Variants in GCFC2 observed in about 807,000 individuals in gnomAD.
The protein encoded by GCFC2 is intron Large complex component GCFC2.
A neutral mutation model predicts 99.4 loss-of-function variants in GCFC2; 102 were observed. That is an observed-to-expected ratio of 1.03 (90% CI 0.87 to 1.21). The LOEUF is 1.21. GCFC2 is among the 50% of genes most tolerant of loss of function. The probability of loss-of-function intolerance (pLI) is 0.00; values close to 1 mark genes in which losing one functional copy is unlikely to be tolerated. For missense variants in GCFC2, 973 were observed against 920.9 expected, an observed-to-expected ratio of 1.06 and a Z score of -0.73; for synonymous variants, 338 against 316.8, an observed-to-expected ratio of 1.07 and a Z score of -0.71.
chr2:75,673,383 T>TA, intron 13 of GCFC2, 61 bp downstream of exon 13: 2 of 774,600 alleles, frequency 2.6e-6, no homozygotes, highest in Non-Finnish European at 2.3e-6. Flanking sequence ...ATTGCATTCT[T>TA]AAACAAATCT....
At chr2:75,665,796 A>G in intron 16 of GCFC2, 133 bp downstream of exon 16, 1 of 514,764 alleles carries the variant, frequency 1.9e-6, no homozygotes, top group Non-Finnish European at 3.3e-6. Flanking sequence ...AACCATAAAA[A>G]TATCTACTAA....
At chr2:75,701,913 T>G in intron 3 of GCFC2, 1 of 1,153,752 alleles carries the variant, frequency 8.7e-7, no homozygotes. Context: ...AAACGATCGT[T>G]TTCAATGCTT....
chr2:75,688,244 C>A (rs13405029), intron 10 of GCFC2, among the ~76,000 whole-genome samples: 10,767 of 152,112 alleles, frequency 0.071, 1,234 homozygotes, highest in African/African-American at 0.25. Context: ...TGTGCCGGAG[C>A]CTTTAGACCC....
upstream of GCFC2, among the ~76,000 whole-genome samples, chr2:75,712,460 C>G (rs192471157): frequency 2.2e-3 from 337 of 152,280 alleles, 1 homozygote; most frequent in African/African-American, 7.7e-3. Context: ...ATTGTAAACG[C>G]ACCAATCACG....
At chr2:75,696,607 A>C (rs1474638339) in intron 4 of GCFC2, among the ~76,000 whole-genome samples, 1 of 152,188 alleles carries the variant, frequency 6.6e-6, no homozygotes, top group African/African-American at 2.4e-5. Context: ...CCAGTTTTTT[A>C]AGAAACAACA....
rs151327351 is a variant in GCFC2 at position 75,665,124 on chromosome 2, A to G, written c.2229-341T>C. Among the ~76,000 whole-genome samples, 366 of 152,118 alleles carry G rather than the reference A, an allele frequency of 2.4e-3. 1 individual carries two copies. Among genetic ancestry groups the G allele is most frequent in the Non-Finnish European group, 4.3e-3 (292 of 67,984 alleles). Reference sequence around the variant, plus strand: ...AATGGTGGGAGTATATTCACACATCATGACATTAGCAAATAATACAAATCT... The same window carrying G: ...AATGGTGGGAGTATATTCACACATCGTGACATTAGCAAATAATACAAATCT... On this transcript the variant is annotated intron_variant, in intron 16 of 16. Transcript: ENST00000321027.
rs937545196 is a variant in GCFC2 at position 75,696,269 on chromosome 2, T to C, written c.764A>G (p.Lys255Arg). The change falls in exon 5 of 17, where the codon AAG becomes AGG. Residue 255 changes from lysine to arginine, a missense_variant. Lys to Arg is a conservative substitution (Grantham distance 26). Transcript: ENST00000321027. ...LSCGNGSSKV[K>R]KFDTSISFPP... ...AAATGAAATGGAAGTATCAAATTTC[T>C]TCACTTTTGAAGATCCATTGCCACA... is the stretch of plus-strand genomic sequence containing the variant. 3 of 1,527,066 alleles carry C rather than the reference T, an allele frequency of 2.0e-6. No homozygotes were observed. The East Asian group carries it at 6.8e-5, about 34-fold the overall frequency. 94.6% of individuals were successfully genotyped at this position (1,527,066 alleles called of 1,614,324 possible). A position where few individuals can be genotyped will look rare whatever the true frequency, so the allele number is the denominator to read the frequency against.
intron 4 of GCFC2, among the ~76,000 whole-genome samples, chr2:75,700,810 C>T (rs1680551516): frequency 6.6e-6 from 1 of 152,118 alleles, no homozygotes; most frequent in Non-Finnish European, 1.5e-5. Flanking sequence ...GAAAAAGAGT[C>T]TTTGTGGTTG....
Position 75,662,728 on chromosome 2 carries a change from AAT to A in GCFC2, c.*1936_*1937del, listed in dbSNP as rs1185650125. The stretch of plus-strand genomic sequence containing the variant: ...AATTTGTAGTTTTGAAAGCAGTTTT[AAT>A]ATTTTATCTTCCACAAAAAGGTAGG... On this transcript the variant is annotated 3_prime_UTR_variant, in exon 17 of 17. Transcript: ENST00000321027. The A allele has an allele frequency of 6.6e-6, 1 of 152,136 alleles. No individual in the cohort carries two copies. The highest frequency in any genetic ancestry group is 1.5e-5 in the Non-Finnish European group (1 of 67,986). 9.4% of individuals were successfully genotyped at this position (152,136 alleles called of 1,614,324 possible).
intron 7 of GCFC2, chr2:75,690,944 T>G (rs10207888): frequency 0.33 from 128,267 of 385,012 alleles, 22,507 homozygotes; most frequent in Non-Finnish European, 0.38. Flanking sequence ...CTTTGGCTGG[T>G]GTACTTTTGC....
intron 3 of GCFC2, chr2:75,701,877 T>G: frequency 2.9e-6 from 3 of 1,031,996 alleles, no homozygotes; most frequent in Non-Finnish European, 3.5e-6. Flanking sequence ...GCTTCCATGT[T>G]AAAAAAAATA....
chr2:75,682,109 C>T (rs574549647), intron 11 of GCFC2, among the ~76,000 whole-genome samples: 1 of 152,026 alleles, frequency 6.6e-6, no homozygotes, highest in African/African-American at 2.4e-5. Context: ...GGACACACTG[C>T]CTCCTCAAGT....
rs1266493331 is a variant in GCFC2 at position 75,710,706 on chromosome 2, G to A, written c.150C>T (p.Gly50=). Residue 50 remains glycine, a synonymous_variant, in exon 1 of 17, where the codon GGC becomes GGT. Transcript: ENST00000321027. The part of the protein sequence containing the change: ...SAEEEPPSGG[G]RAQVAGLPHR... The stretch of plus-strand genomic sequence containing the variant: ...GGGGCAGTCCCGCCACCTGCGCGCG[G>A]CCTCCTCCAGAGGGCGGCTCTTCCT... 1.3e-6 allele frequency: 2 copies of A among 1,537,624 alleles called. No homozygotes were observed. Among genetic ancestry groups the A allele is most frequent in the South Asian group, 2.4e-5 (2 of 83,362 alleles).
intron 2 of GCFC2, among the ~76,000 whole-genome samples, chr2:75,705,048 CA>C (rs1179740682): frequency 1.3e-5 from 2 of 152,166 alleles, no homozygotes; most frequent in African/African-American, 4.8e-5. Context: ...ACTAAAAATT[CA>C]ATTTCTCAGT....
At chr2:75,679,956 A>C (rs1304063988) in intron 12 of GCFC2, 1 of 466,756 alleles carries the variant, frequency 2.1e-6, no homozygotes, top group East Asian at 3.2e-5. Context: ...ATCAAGGTAT[A>C]TTCTTTCATC....
intron 16 of GCFC2, 82 bp from the exon 17 acceptor site, chr2:75,664,865 G>T: frequency 1.4e-6 from 1 of 698,826 alleles, no homozygotes; most frequent in Non-Finnish European, 2.5e-6. Flanking sequence ...ATCATCAGTT[G>T]TTAATCTAAA....
At chr2:75,696,085 TCCCCCCCATAAG>T in intron 5 of GCFC2, 103 bp downstream of exon 5, 1 of 501,634 alleles carries the variant, frequency 2.0e-6, no homozygotes, top group Non-Finnish European at 3.6e-6. Context: ...AGATCCTTTT[TCCCCCCCATAAG>T]TCTGTTTAAT....
rs1678718412 is a variant in GCFC2, at chr2:75,663,959, G to C, written c.*707C>G. On this transcript the variant is annotated 3_prime_UTR_variant, in exon 17 of 17. Coordinates refer to ENST00000321027, the MANE Select transcript of GCFC2 (RefSeq NM_003203.5). ...AATCAATATCTTTAAAAATATAAAGGTCTTAAAGTCCATAAGAAAAAGATG... is the reference window on the plus strand; with the variant it reads ...AATCAATATCTTTAAAAATATAAAGCTCTTAAAGTCCATAAGAAAAAGATG... The C allele has an allele frequency of 6.6e-6, 1 of 151,922 alleles. No homozygotes were observed. Among genetic ancestry groups the C allele is most frequent in the South Asian group, 2.1e-4 (1 of 4,816 alleles). 9.4% of individuals were successfully genotyped at this position (151,922 alleles called of 1,614,324 possible). A position where few individuals can be genotyped will look rare whatever the true frequency, so the allele number is the denominator to read the frequency against.
At chr2:75,677,591 A>C (rs781569777) in intron 12 of GCFC2, among the ~76,000 whole-genome samples, 1 of 152,240 alleles carries the variant, frequency 6.6e-6, no homozygotes, top group Non-Finnish European at 1.5e-5. Context: ...CCAAATGCCA[A>C]TGTAGTGCTG....
Sources: gnomAD v4.1 joint callset for allele counts (sites outside exome capture counted in the v4.1 genomes callset) on GRCh38, gnomAD v4.1.1 for gene constraint, MANE v1.5 for transcripts, NCBI Gene and HGNC (gene_info 2026-07-23, HGNC 2026-07-21) for gene names.